The following SMYD3 variants were observed in gnomAD, a reference collection of about 807,000 sequenced individuals.
The protein encoded by SMYD3 is histone-lysine N-methyltransferase SMYD3.
In SMYD3, 36 loss-of-function variants were observed where a neutral mutation model predicts 57.7. That is an observed-to-expected ratio of 0.62 (90% CI 0.48 to 0.82). The LOEUF is 0.82. Ranked by LOEUF, SMYD3 falls within the 40% of genes least tolerant of loss-of-function variation. The probability of loss-of-function intolerance (pLI) is 0.00; values close to 1 mark genes in which losing one functional copy is unlikely to be tolerated. For missense variants in SMYD3, 515 were observed against 538.8 expected (o/e 0.96, Z 0.44); for synonymous variants, 211 against 195.0 (o/e 1.08, Z -0.68).
intron 5 of SMYD3, among the ~76,000 whole-genome samples, chr1:246,070,139 C>T (rs906500152): frequency 6.6e-6 from 1 of 152,038 alleles, no homozygotes; most frequent in Admixed American, 6.5e-5. Context: ...AGAGACACAC[C>T]GAAAACTAGT....
intron 10 of SMYD3, among the ~76,000 whole-genome samples, chr1:245,857,962 G>A (rs556822457): frequency 6.6e-6 from 1 of 152,322 alleles, no homozygotes; most frequent in South Asian, 2.1e-4. Context: ...AGGAGAAGCT[G>A]AGGCAGGGCC....
At chr1:246,263,343 T>C (rs1184742752) in intron 5 of SMYD3, among the ~76,000 whole-genome samples, 1 of 126,638 alleles carries the variant, frequency 7.9e-6, no homozygotes, top group Non-Finnish European at 1.7e-5. Flanking sequence ...ACAGGATGTA[T>C]GTGACCTGGG....
At chr1:246,455,358 C>T (rs980506174) in intron 1 of SMYD3, among the ~76,000 whole-genome samples, 3 of 152,044 alleles carry the variant, frequency 2.0e-5, no homozygotes, top group Non-Finnish European at 2.9e-5. Context: ...TCTCTAAAAC[C>T]GTCATGCTAT....
At chr1:245,793,317 A>G (rs554249356) in intron 10 of SMYD3, among the ~76,000 whole-genome samples, 1 of 152,102 alleles carries the variant, frequency 6.6e-6, no homozygotes, top group East Asian at 1.9e-4. Context: ...AAAAACAACA[A>G]AAAAAGAAAT....
intron 5 of SMYD3, among the ~76,000 whole-genome samples, chr1:245,959,571 C>G (rs2057946364): frequency 6.6e-6 from 1 of 152,158 alleles, no homozygotes; most frequent in Admixed American, 6.5e-5. Flanking sequence ...ACTAGATGGT[C>G]TGTTAAACGC....
chr1:246,501,701 G>C (rs894142123), intron 1 of SMYD3, among the ~76,000 whole-genome samples: 1 of 152,112 alleles, frequency 6.6e-6, no homozygotes, highest in African/African-American at 2.4e-5. Context: ...TGCTAACCTA[G>C]CAATCCTAGG....
chr1:246,181,107 G>A (rs1249940115), intron 5 of SMYD3, among the ~76,000 whole-genome samples: 1 of 152,132 alleles, frequency 6.6e-6, no homozygotes, highest in Non-Finnish European at 1.5e-5. Flanking sequence ...TGCGCCTCTG[G>A]GATGTGGAAA....
intron 5 of SMYD3, among the ~76,000 whole-genome samples, chr1:246,071,052 A>T (rs1040670481): frequency 6.6e-6 from 1 of 152,240 alleles, no homozygotes; most frequent in African/African-American, 2.4e-5. Flanking sequence ...TTTCCTAAGA[A>T]GATTACAATA....
intron 10 of SMYD3, among the ~76,000 whole-genome samples, chr1:245,839,566 A>G (rs2050293061): frequency 6.6e-6 from 1 of 152,004 alleles, no homozygotes; most frequent in Non-Finnish European, 1.5e-5. Context: ...GTGACAGCCA[A>G]GGAGCATAGT....
chr1:246,180,227 TA>T (rs1486373276), intron 5 of SMYD3, among the ~76,000 whole-genome samples: 8 of 147,342 alleles, frequency 5.4e-5, no homozygotes, highest in African/African-American at 2.0e-4. Context: ...AAAATATATA[TA>T]CATATATGTA....
chr1:246,026,158 AAAAAG>A (rs1032248723), intron 5 of SMYD3: 2 of 152,036 alleles, frequency 1.3e-5, no homozygotes, highest in East Asian at 1.9e-4. Context: ...ACCCGCCAAA[AAAAAG>A]AAAAGAAAAT....
At chr1:245,991,858 C>T (rs1413063419) in intron 5 of SMYD3, among the ~76,000 whole-genome samples, 5 of 14,024 alleles carry the variant, frequency 3.6e-4, no homozygotes, top group Non-Finnish European at 6.2e-4. Context: ...ATTCTATTGG[C>T]CACACACACC....
At chr1:246,041,064 T>C (rs1044607162) in intron 5 of SMYD3, among the ~76,000 whole-genome samples, 1 of 152,228 alleles carries the variant, frequency 6.6e-6, no homozygotes, top group Non-Finnish European at 1.5e-5. Context: ...TATGTTTAGA[T>C]ACACAAATAC....
At chr1:246,482,490 A>G (rs74686188) in intron 1 of SMYD3, among the ~76,000 whole-genome samples, 1,526 of 151,954 alleles carry the variant, frequency 0.01, 35 homozygotes, top group African/African-American at 0.035. Context: ...GACGAAAGCC[A>G]CTCTGTCGCC....
intron 5 of SMYD3, among the ~76,000 whole-genome samples, chr1:246,060,582 A>ATTTTTTTTTTTTTTTTTTTTTTT (rs1558191811): frequency 1.3e-5 from 2 of 152,174 alleles, no homozygotes; most frequent in African/African-American, 4.8e-5. Context: ...CATTTTAATA[A>ATTTTTTTTTTTTTTTTTTTTTTT]ATTTTTATGA....
chr1:245,750,804 T>C (rs2147999122), intron 11 of SMYD3, among the ~76,000 whole-genome samples: 1 of 152,212 alleles, frequency 6.6e-6, no homozygotes, highest in East Asian at 1.9e-4. Flanking sequence ...CCCAGGAGAC[T>C]TGTAAAGATA....
chr1:245,863,129 G>T (rs1338740802), intron 9 of SMYD3, among the ~76,000 whole-genome samples: 1 of 152,102 alleles, frequency 6.6e-6, no homozygotes, highest in Non-Finnish European at 1.5e-5. Flanking sequence ...CTTCCTTCTT[G>T]CCTGCTGTTT....
intron 10 of SMYD3, among the ~76,000 whole-genome samples, chr1:245,834,096 T>G (rs2049987168): frequency 6.6e-6 from 1 of 152,224 alleles, no homozygotes; most frequent in Non-Finnish European, 1.5e-5. Flanking sequence ...TTTCTTCACC[T>G]GAACCTATGA....
At chr1:245,774,745 T>C (rs2046490131) in intron 10 of SMYD3, among the ~76,000 whole-genome samples, 1 of 148,884 alleles carries the variant, frequency 6.7e-6, no homozygotes, top group African/African-American at 2.5e-5. Flanking sequence ...CTCCCTCTGA[T>C]GCTGAGCCGA....
Sources: allele counts gnomAD v4.1 joint callset (sites outside exome capture counted in the v4.1 genomes callset), GRCh38; gene constraint gnomAD v4.1.1; transcripts MANE v1.5; gene names NCBI Gene and HGNC (gene_info 2026-07-23, HGNC 2026-07-21).